The following FBXO38 variants were observed in gnomAD, a reference collection of about 807,000 sequenced individuals.
FBXO38 encodes F-box protein 38.
A neutral mutation model predicts 131.9 loss-of-function variants in FBXO38; 53 were observed. The ratio of observed to expected loss-of-function variants is 0.40; its 90% CI spans 0.32 to 0.51. The LOEUF (loss-of-function observed/expected upper bound fraction) is 0.51, where lower values mean the gene tolerates loss of function less well. Among genes scored for constraint, FBXO38 ranks in the 20% least tolerant of loss-of-function variants. FBXO38 has a pLI of 0.53. For synonymous variants in FBXO38, 452 were observed against 505.6 expected, an observed-to-expected ratio of 0.89 and a Z score of 1.42; for missense variants, 1,076 against 1,475.6, an observed-to-expected ratio of 0.73 and a Z score of 4.44.
intron 15 of FBXO38, among the ~76,000 whole-genome samples, chr5:148,428,407 GA>G (rs2113632164): frequency 6.6e-6 from 1 of 152,296 alleles, no homozygotes; most frequent in East Asian, 1.9e-4. Flanking sequence ...AATTTTTTCA[GA>G]AATCTAGTTT....
At position 148,399,143 on chromosome 5, in the gene FBXO38, T is replaced by G. The variant is rs1459869202; in HGVS notation, c.262+11T>G. The G allele has an allele frequency of 1.2e-6, 2 of 1,612,684 alleles. No homozygotes were observed. The highest frequency in any genetic ancestry group is 2.2e-5 in the South Asian group (2 of 91,050). ...AATACATGCCAAGTGGTAAGTGGAT[T>G]TAGTCTGTGAAGTACAGTAGTGTCC... On this transcript the variant is annotated intron_variant, in intron 3 of 21. Transcript: ENST00000340253.
intron 21 of FBXO38, chr5:148,441,646 C>G (rs183942809): frequency 9.1e-6 from 2 of 218,760 alleles, no homozygotes; most frequent in Admixed American, 1.1e-4. Flanking sequence ...TGTAGTTTCT[C>G]TAAGTGGTAG....
intron 11 of FBXO38, among the ~76,000 whole-genome samples, chr5:148,416,392 A>T (rs1284671702): frequency 6.6e-6 from 1 of 152,164 alleles, no homozygotes; most frequent in Non-Finnish European, 1.5e-5. Context: ...TCATTGGTGG[A>T]TTAAATATAA....
In FBXO38 at chr5:148,427,954, C is replaced by G; in HGVS notation, c.2653+7C>G. On this transcript the variant is annotated splice_region_variant and intron_variant, in intron 15 of 21. Coordinates refer to ENST00000340253, the MANE Select transcript of FBXO38 (RefSeq NM_205836.3). ...CTGCTGGTATCTGAGTCAGGTATGA[C>G]AATGCTCCTAGGATTAGCAACTGCA... 1 of 1,501,866 alleles carries G rather than the reference C, an allele frequency of 6.7e-7. No homozygotes were observed. Among genetic ancestry groups the G allele is most frequent in the South Asian group, 1.4e-5 (1 of 71,730 alleles). 93.0% of individuals were successfully genotyped at this position (1,501,866 alleles called of 1,614,324 possible).
At chr5:148,414,409 T>A (rs888197776) in intron 10 of FBXO38, 103 bp downstream of exon 10, 68 of 1,059,276 alleles carry the variant, frequency 6.4e-5, no homozygotes, top group Non-Finnish European at 8.0e-6. Context: ...ATGTAAAATG[T>A]AGGTATTTCA....
chr5:148,384,345 G>C (rs749587016), intron 1 of FBXO38, among the ~76,000 whole-genome samples: 1 of 152,202 alleles, frequency 6.6e-6, no homozygotes, highest in East Asian at 1.9e-4. Context: ...GGACTGGACA[G>C]CTTCTGTGAC....
intron 12 of FBXO38, among the ~76,000 whole-genome samples, chr5:148,417,416 A>T (rs1753126045): frequency 6.6e-6 from 1 of 152,138 alleles, no homozygotes; most frequent in Non-Finnish European, 1.5e-5. Flanking sequence ...CTATAAGAAT[A>T]CCTACAGAAT....
chr5:148,407,594 T>A (rs1197560200), intron 7 of FBXO38, among the ~76,000 whole-genome samples: 2 of 144,880 alleles, frequency 1.4e-5, no homozygotes, highest in African/African-American at 2.6e-5. Flanking sequence ...AAAATTAAAA[T>A]TTTTTTTTTT....
Position 148,410,438 on chromosome 5 carries a change from T to C in FBXO38, c.963-197T>C, listed in dbSNP as rs567904320. 162 of 601,206 alleles carry C rather than the reference T, an allele frequency of 2.7e-4. No individual in the cohort carries two copies. In the South Asian group the frequency reaches 3.5e-3, roughly 13 times the overall value. 37.2% of individuals were successfully genotyped at this position (601,206 alleles called of 1,614,324 possible). A position where few individuals can be genotyped will look rare whatever the true frequency, so the allele number is the denominator to read the frequency against. On this transcript the variant is annotated intron_variant, in intron 8 of 21. Transcript: ENST00000340253. ...CATCAGTCAAGATGTGACTTGCTCC[T>C]TTTTGCCTTCAGCCATGTTCGTGAG...
chr5:148,416,875 A>G, intron 11 of FBXO38, 119 bp from the exon 12 acceptor site: 1 of 653,346 alleles, frequency 1.5e-6, no homozygotes, highest in Non-Finnish European at 2.7e-6. Context: ...AAAGCATTTC[A>G]TAAATAAGTA....
At chr5:148,433,363 G>A (rs1460908485) in intron 15 of FBXO38, 61 bp from the exon 16 acceptor site, 2 of 1,180,728 alleles carry the variant, frequency 1.7e-6, no homozygotes, top group Admixed American at 1.8e-5. Context: ...GTGATTGAAT[G>A]TGCTTGAGGG....
intron 14 of FBXO38, among the ~76,000 whole-genome samples, chr5:148,426,657 C>A (rs1753727659): frequency 6.6e-6 from 1 of 152,164 alleles, no homozygotes; most frequent in African/African-American, 2.4e-5. Flanking sequence ...CTTCATTGAG[C>A]CTTACTATGC....
intron 10 of FBXO38, among the ~76,000 whole-genome samples, chr5:148,415,670 G>C (rs754070679): frequency 2.0e-5 from 3 of 152,104 alleles, no homozygotes; most frequent in Non-Finnish European, 2.9e-5. Context: ...GAAAAGCCAT[G>C]TAGGTTGTTG....
intron 15 of FBXO38, chr5:148,433,223 T>G (rs559958733): frequency 1.4e-5 from 7 of 508,600 alleles, no homozygotes; most frequent in South Asian, 9.5e-5. Context: ...TTATGTTTGA[T>G]GTAGATATGT....
At chr5:148,391,990 A>G (rs572600006) in intron 1 of FBXO38, among the ~76,000 whole-genome samples, 2 of 152,312 alleles carry the variant, frequency 1.3e-5, no homozygotes, top group East Asian at 3.9e-4. Flanking sequence ...TGTTAGAATC[A>G]TACTTTAGAT....
chr5:148,388,290 G>C (rs916955340), intron 1 of FBXO38, among the ~76,000 whole-genome samples: 5 of 152,284 alleles, frequency 3.3e-5, no homozygotes, highest in Admixed American at 1.3e-4. Flanking sequence ...AGTAGATTTA[G>C]CATCATTCTG....
intron 3 of FBXO38, 74 bp from the exon 4 acceptor site, chr5:148,401,908 A>G (rs1752180404): frequency 7.0e-7 from 1 of 1,421,774 alleles, no homozygotes; most frequent in South Asian, 1.4e-5. Flanking sequence ...ACTTTTGGTA[A>G]AAATCACGAG....
intron 12 of FBXO38, among the ~76,000 whole-genome samples, chr5:148,420,181 G>GGCAT (rs1013458933): frequency 6.0e-5 from 9 of 150,062 alleles, no homozygotes; most frequent in Non-Finnish European, 1.0e-4. Flanking sequence ...GGAGGGTAGT[G>GGCAT]GCATGATCAT....
At chr5:148,409,332 T>C in intron 8 of FBXO38, 115 bp downstream of exon 8, 1 of 705,314 alleles carries the variant, frequency 1.4e-6, no homozygotes, top group Non-Finnish European at 2.5e-6. Flanking sequence ...GATCAAGCCT[T>C]GTTCAAATTT....
Sources: allele counts gnomAD v4.1 joint callset (sites outside exome capture counted in the v4.1 genomes callset), GRCh38; gene constraint gnomAD v4.1.1; transcripts MANE v1.5; gene names NCBI Gene and HGNC (gene_info 2026-07-23, HGNC 2026-07-21).